ZNF618: variants seen among roughly 807,000 people sequenced by gnomAD.
The protein encoded by ZNF618 is zinc finger protein 618.
In ZNF618, 34 loss-of-function variants were observed where a neutral mutation model predicts 103.0. That is an observed-to-expected ratio of 0.33 (90% confidence interval 0.25 to 0.44). The LOEUF (loss-of-function observed/expected upper bound fraction) is 0.44. Ranked by LOEUF, ZNF618 falls within the 20% of genes least tolerant of loss-of-function variation. ZNF618 has a pLI of 1.00. For synonymous variants in ZNF618, 551 were observed against 542.2 expected (o/e 1.02, Z -0.23); for missense variants, 1,059 against 1,295.4 (o/e 0.82, Z 2.80).
intron 1 of ZNF618, among the ~76,000 whole-genome samples, chr9:113,923,940 C>T (rs1037924381): frequency 1.3e-5 from 2 of 152,036 alleles, no homozygotes; most frequent in Non-Finnish European, 2.9e-5. Context: ...TGAGTATCAT[C>T]TTGGCAGTCA....
At chr9:114,042,496 C>T (rs555944942) in intron 13 of ZNF618, among the ~76,000 whole-genome samples, 46 of 151,888 alleles carry the variant, frequency 3.0e-4, no homozygotes, top group Admixed American at 2.6e-4. Flanking sequence ...ACAGGGACAA[C>T]ATAGCATGAC....
chr9:113,892,362 A>G (rs1564136254), intron 1 of ZNF618, among the ~76,000 whole-genome samples: 1 of 152,212 alleles, frequency 6.6e-6, no homozygotes. Flanking sequence ...TTTAGGGAAT[A>G]TGACAAGGAA....
At chr9:113,920,487 C>T in intron 1 of ZNF618, among the ~76,000 whole-genome samples, 1 of 148,834 alleles carries the variant, frequency 6.7e-6, no homozygotes. Flanking sequence ...TTGGAACTTC[C>T]ACCTTCTAGG....
chr9:113,983,423 C>G (rs1461532323), intron 2 of ZNF618, among the ~76,000 whole-genome samples: 12 of 152,128 alleles, frequency 7.9e-5, no homozygotes, highest in East Asian at 1.9e-4. Flanking sequence ...GTTGCCCATG[C>G]CTTTGTCGCG....
At chr9:113,907,364 A>G (rs577530620) in intron 1 of ZNF618, among the ~76,000 whole-genome samples, 27 of 152,206 alleles carry the variant, frequency 1.8e-4, no homozygotes, top group Admixed American at 2.6e-4. Context: ...TGCAGCTCCA[A>G]TTGTTCATGG....
intron 1 of ZNF618, among the ~76,000 whole-genome samples, chr9:113,951,202 C>T (rs1308626365): frequency 1.3e-5 from 2 of 150,168 alleles, no homozygotes; most frequent in African/African-American, 2.5e-5. Context: ...TTGGGGTGGT[C>T]GCTTAACCTC....
intron 9 of ZNF618, among the ~76,000 whole-genome samples, chr9:114,015,739 T>C (rs4979323): frequency 0.58 from 87,917 of 152,178 alleles, 26,717 homozygotes; most frequent in East Asian, 0.67. Flanking sequence ...TTGAAACAAT[T>C]TCAATGTCCC....
intron 1 of ZNF618, among the ~76,000 whole-genome samples, chr9:113,892,112 T>TA (rs1456440547): frequency 6.6e-6 from 1 of 152,154 alleles, no homozygotes; most frequent in Non-Finnish European, 1.5e-5. Context: ...TTCAGTTTTG[T>TA]AAAATGAAAA....
intron 1 of ZNF618, among the ~76,000 whole-genome samples, chr9:113,929,419 A>G (rs1246352917): frequency 6.6e-6 from 1 of 152,180 alleles, no homozygotes; most frequent in Non-Finnish European, 1.5e-5. Flanking sequence ...CAGTTTTTGC[A>G]GCTTTTTTCT....
At chr9:113,981,705 C>T (rs933234774) in intron 2 of ZNF618, among the ~76,000 whole-genome samples, 1 of 152,220 alleles carries the variant, frequency 6.6e-6, no homozygotes, top group African/African-American at 2.4e-5. Flanking sequence ...TACTTGGTTG[C>T]ATTGTCTTAG....
At chr9:113,973,917 A>G (rs1838241318) in intron 2 of ZNF618, among the ~76,000 whole-genome samples, 1 of 152,364 alleles carries the variant, frequency 6.6e-6, no homozygotes, top group Non-Finnish European at 1.5e-5. Flanking sequence ...TTGCCCAACA[A>G]GTGAACAGGA....
intron 10 of ZNF618, among the ~76,000 whole-genome samples, chr9:114,027,142 T>TC (rs1843577887): frequency 6.6e-6 from 1 of 151,998 alleles, no homozygotes; most frequent in Non-Finnish European, 1.5e-5. Flanking sequence ...AGACAAGCAA[T>TC]CACCTGGTGG....
At chr9:113,950,826 A>G (rs1418354640) in intron 1 of ZNF618, among the ~76,000 whole-genome samples, 1 of 151,782 alleles carries the variant, frequency 6.6e-6, no homozygotes, top group Non-Finnish European at 1.5e-5. Context: ...GGTGGAAGGG[A>G]TGTCTAGGAT....
At chr9:113,971,742 G>C (rs768463571) in intron 2 of ZNF618, among the ~76,000 whole-genome samples, 29 of 152,154 alleles carry the variant, frequency 1.9e-4, no homozygotes, top group Non-Finnish European at 3.8e-4. Context: ...ATCCCCCTAA[G>C]GCTGTAGTTG....
chr9:113,939,982 C>T (rs546650224), intron 1 of ZNF618, among the ~76,000 whole-genome samples: 1 of 151,670 alleles, frequency 6.6e-6, no homozygotes, highest in South Asian at 2.1e-4. Flanking sequence ...TATTCATTTT[C>T]TGCTTTCTTT....
intron 1 of ZNF618, among the ~76,000 whole-genome samples, chr9:113,915,307 G>A (rs1294115888): frequency 6.6e-6 from 1 of 152,236 alleles, no homozygotes; most frequent in East Asian, 1.9e-4. Context: ...AATAGTGGAA[G>A]TGGTTCTTGC....
At chr9:113,888,667 C>T (rs142088378) in intron 1 of ZNF618, among the ~76,000 whole-genome samples, 2 of 152,282 alleles carry the variant, frequency 1.3e-5, no homozygotes, top group African/African-American at 4.8e-5. Context: ...CCCAGGGATA[C>T]CTGGAGCCCA....
rs146235548 is a variant in ZNF618 at position 113,995,643 on chromosome 9, G to A, written c.338-2616G>A. On this transcript the variant is annotated intron_variant, in intron 3 of 14. Coordinates refer to ENST00000374126, the MANE Select transcript of ZNF618 (RefSeq NM_001318042.2). The stretch of plus-strand genomic sequence containing the variant: ...AGTTGTATGCCAGAAATCACACAGG[G>A]GTCTATCATCAGATGATATTTTTAA... Among the ~76,000 whole-genome samples the A allele has an allele frequency of 6.6e-5, 10 of 152,150 alleles. No individual in the cohort carries two copies. The East Asian group carries it at 1.9e-3, about 29-fold the overall frequency.
intron 4 of ZNF618, among the ~76,000 whole-genome samples, chr9:113,998,679 G>T (rs1009521760): frequency 6.6e-6 from 1 of 152,232 alleles, no homozygotes; most frequent in Non-Finnish European, 1.5e-5. Context: ...AAATGTGTTT[G>T]GGAGACCCTG....
Sources: allele counts gnomAD v4.1 joint callset (sites outside exome capture counted in the v4.1 genomes callset), GRCh38; gene constraint gnomAD v4.1.1; transcripts MANE v1.5; gene names NCBI Gene and HGNC (gene_info 2026-07-23, HGNC 2026-07-21).